SOX6: variants seen among roughly 807,000 people sequenced by gnomAD.
SOX6 encodes the protein SRY-box transcription factor 6.
Under a neutral mutation model 97.8 loss-of-function variants are expected in SOX6, and 11 were observed. The ratio of observed to expected loss-of-function variants is 0.11; its 90% CI spans 0.07 to 0.19. The LOEUF is 0.19. Among genes scored for constraint, SOX6 ranks in the 10% least tolerant of loss-of-function variants. The pLI, the probability that SOX6 is intolerant of heterozygous loss-of-function variation, is 1.00. For synonymous variants in SOX6, 360 were observed against 371.4 expected, an observed-to-expected ratio of 0.97 and a Z score of 0.35; for missense variants, 810 against 1,039.5, an observed-to-expected ratio of 0.78 and a Z score of 3.04.
At chr11:16,720,699 TA>T (rs199682350) in intron 2 of SOX6, among the ~76,000 whole-genome samples, 24,558 of 145,500 alleles carry the variant, frequency 0.17, 2,620 homozygotes, top group East Asian at 0.32. Context: ...ATAATAATAA[TA>T]AAAAAAAGAA....
chr11:16,136,212 G>T (rs1037770379), intron 6 of SOX6, among the ~76,000 whole-genome samples: 1 of 151,944 alleles, frequency 6.6e-6, no homozygotes, highest in African/African-American at 2.4e-5. Flanking sequence ...TAGAGACGGG[G>T]TTTCACCATG....
At chr11:16,046,761 T>G in intron 11 of SOX6, 60 bp from the exon 12 acceptor site, 2 of 1,509,880 alleles carry the variant, frequency 1.3e-6, no homozygotes, top group Non-Finnish European at 1.8e-6. Context: ...AAAGTACTAC[T>G]ACTATCCCCT....
chr11:16,461,144 A>G (rs1054387345), intron 1 of SOX6, among the ~76,000 whole-genome samples: 1 of 152,136 alleles, frequency 6.6e-6, no homozygotes, highest in African/African-American at 2.4e-5. Context: ...GACTTTTCAA[A>G]AATTCAATAC....
chr11:16,408,983 A>C (rs148810559), intron 1 of SOX6: 3 of 152,330 alleles, frequency 2.0e-5, no homozygotes, highest in African/African-American at 7.2e-5. Flanking sequence ...GCCTTTATAA[A>C]GGACATGTGG....
intron 1 of SOX6, among the ~76,000 whole-genome samples, chr11:16,385,865 G>T (rs773912906): frequency 2.7e-4 from 41 of 152,108 alleles, no homozygotes; most frequent in Non-Finnish European, 2.6e-4. Flanking sequence ...TTAAAATTTT[G>T]CATTTTTTTT....
intron 4 of SOX6, among the ~76,000 whole-genome samples, chr11:16,538,063 G>A (rs988901213): frequency 1.3e-5 from 2 of 150,928 alleles, no homozygotes; most frequent in African/African-American, 5.0e-5. Flanking sequence ...AAAATGTTAA[G>A]GGCAGCCAGA....
At chr11:16,528,537 A>C (rs1861198889) in intron 4 of SOX6, among the ~76,000 whole-genome samples, 1 of 152,126 alleles carries the variant, frequency 6.6e-6, no homozygotes, top group African/African-American at 2.4e-5. Context: ...TATAAGCATT[A>C]ACTTAACAGA....
chr11:16,111,238 T>C (rs1849221134), intron 7 of SOX6, among the ~76,000 whole-genome samples: 1 of 152,194 alleles, frequency 6.6e-6, no homozygotes, highest in African/African-American at 2.4e-5. Flanking sequence ...TGCTAAATCA[T>C]CTTAAAACAT....
At chr11:16,712,078 T>C (rs1007893788) in intron 3 of SOX6, among the ~76,000 whole-genome samples, 6 of 139,922 alleles carry the variant, frequency 4.3e-5, no homozygotes, top group Non-Finnish European at 6.2e-5. Context: ...TAGTATTCCA[T>C]ACACACACAC....
intron 9 of SOX6, among the ~76,000 whole-genome samples, chr11:16,081,959 C>T (rs1162225234): frequency 6.6e-6 from 1 of 152,120 alleles, no homozygotes; most frequent in Non-Finnish European, 1.5e-5. Flanking sequence ...GTGGAGTCAT[C>T]GTCACTGGAA....
chr11:16,148,383 A>G (rs1850370240), intron 6 of SOX6, among the ~76,000 whole-genome samples: 1 of 152,110 alleles, frequency 6.6e-6, no homozygotes, highest in Non-Finnish European at 1.5e-5. Flanking sequence ...TGTTGTCTGG[A>G]GAAAGCCGGG....
chr11:16,699,382 C>T (rs1848076512), intron 3 of SOX6, among the ~76,000 whole-genome samples: 1 of 152,038 alleles, frequency 6.6e-6, no homozygotes, highest in African/African-American at 2.4e-5. Context: ...CACGCTGCCA[C>T]CAAGAAACTT....
At chr11:16,148,391 G>A (rs559230276) in intron 6 of SOX6, among the ~76,000 whole-genome samples, 2 of 152,210 alleles carry the variant, frequency 1.3e-5, no homozygotes, top group South Asian at 2.1e-4. Context: ...GGAGAAAGCC[G>A]GGATTGTTAT....
At position 16,561,882 on chromosome 11, in the gene SOX6, C is replaced by T. The variant is rs191739918; in HGVS notation, n.609+50199G>A. ...GAGCTAGGACTACATGTACACATCA[C>T]CACACCTGGCTAATTTTTTTTTTTC... On this transcript the variant is annotated intron_variant and non_coding_transcript_variant, in intron 4 of 5. Transcript: ENST00000524520. Among the ~76,000 whole-genome samples the T allele has an allele frequency of 1.3e-3, 185 of 139,666 alleles. 3 individuals are homozygous for T. The highest frequency in any genetic ancestry group is 0.012 in the Middle Eastern group (3 of 258). The allele number at this position is 139,666 out of a possible 152,430, so 91.6% of individuals were successfully genotyped here. A position where few individuals can be genotyped will look rare whatever the true frequency, so the allele number is the denominator to read the frequency against.
At chr11:16,591,417 C>T (rs1296215449) in intron 4 of SOX6, among the ~76,000 whole-genome samples, 1 of 151,802 alleles carries the variant, frequency 6.6e-6, no homozygotes, top group Non-Finnish European at 1.5e-5. Context: ...AACATAGAAG[C>T]AATCAAACTA....
chr11:16,167,216 C>T (rs1435082872), intron 6 of SOX6, among the ~76,000 whole-genome samples: 1 of 152,158 alleles, frequency 6.6e-6, no homozygotes, highest in Non-Finnish European at 1.5e-5. Context: ...ATGGCAGAAT[C>T]TCAGTGAATG....
intron 2 of SOX6, among the ~76,000 whole-genome samples, chr11:16,327,257 T>A (rs947137819): frequency 2.0e-5 from 3 of 152,188 alleles, no homozygotes; most frequent in African/African-American, 7.2e-5. Context: ...ATGAATCATG[T>A]ATAAAGCACT....
At chr11:16,426,930 A>AC (rs1414902283) in intron 1 of SOX6, among the ~76,000 whole-genome samples, 145 of 149,634 alleles carry the variant, frequency 9.7e-4, no homozygotes, top group African/African-American at 3.4e-3. Flanking sequence ...AAAAAAAAAA[A>AC]AAAAAACTGG....
At chr11:16,225,295 C>A (rs919773256) in intron 4 of SOX6, among the ~76,000 whole-genome samples, 1 of 151,682 alleles carries the variant, frequency 6.6e-6, no homozygotes, top group Non-Finnish European at 1.5e-5. Context: ...AATCTCTAAG[C>A]ATTTCTAGTT....
Sources: allele counts gnomAD v4.1 joint callset (sites outside exome capture counted in the v4.1 genomes callset), GRCh38; gene constraint gnomAD v4.1.1; transcripts MANE v1.5; gene names NCBI Gene and HGNC (gene_info 2026-07-23, HGNC 2026-07-21).